The following ILRUN variants were observed in gnomAD, a reference collection of about 807,000 sequenced individuals.
ILRUN encodes inflammation and lipid regulator with UBA-like and NBR1-like domains, also known as protein ILRUN.
In ILRUN, 3 loss-of-function variants were observed where a neutral mutation model predicts 33.8. The observed-to-expected ratio is 0.09, with a 90% confidence interval of 0.04 to 0.23. ILRUN has a LOEUF of 0.23. ILRUN is among the 10% of genes least tolerant of loss of function. ILRUN has a pLI of 1.00. For missense variants in ILRUN, 210 were observed against 375.1 expected, an observed-to-expected ratio of 0.56 and a Z score of 3.64; for synonymous variants, 124 against 138.9, an observed-to-expected ratio of 0.89 and a Z score of 0.75.
At chr6:34,593,251 A>C (rs890575261) in intron 4 of ILRUN, among the ~76,000 whole-genome samples, 1 of 152,174 alleles carries the variant, frequency 6.6e-6, no homozygotes, top group Non-Finnish European at 1.5e-5. Context: ...GAAAACTCAA[A>C]AAACAAACAG....
At chr6:34,611,471 T>TA (rs1761752310) in intron 3 of ILRUN, among the ~76,000 whole-genome samples, 1 of 152,222 alleles carries the variant, frequency 6.6e-6, no homozygotes, top group Admixed American at 6.5e-5. Flanking sequence ...ATACAACTTC[T>TA]ACGTGGTACA....
At chr6:34,693,241 A>G (rs1362812526) in intron 1 of ILRUN, among the ~76,000 whole-genome samples, 1 of 152,206 alleles carries the variant, frequency 6.6e-6, no homozygotes, top group African/African-American at 2.4e-5. Flanking sequence ...AAAATAAAGA[A>G]CATGCCTTAT....
chr6:34,671,992 T>TC (rs1763125972), intron 1 of ILRUN: 1 of 152,224 alleles, frequency 6.6e-6, no homozygotes, highest in African/African-American at 2.4e-5. Flanking sequence ...TCATATCCCC[T>TC]AATGTAGTCA....
chr6:34,678,949 A>G (rs897723622), intron 1 of ILRUN, among the ~76,000 whole-genome samples: 5 of 152,048 alleles, frequency 3.3e-5, no homozygotes, highest in African/African-American at 4.8e-5. Context: ...TAAGATAAAT[A>G]CAACAGACCT....
At chr6:34,648,726 T>C (rs1762604999) in intron 2 of ILRUN, among the ~76,000 whole-genome samples, 1 of 152,180 alleles carries the variant, frequency 6.6e-6, no homozygotes, top group Admixed American at 6.5e-5. Flanking sequence ...AGAAAAATTA[T>C]ACTACTATCA....
At chr6:34,661,330 A>G (rs1315502408) in intron 1 of ILRUN, among the ~76,000 whole-genome samples, 2 of 152,246 alleles carry the variant, frequency 1.3e-5, no homozygotes, top group Non-Finnish European at 2.9e-5. Context: ...AAAATCTTAC[A>G]TAAAGAAAGC....
At chr6:34,603,103 C>T (rs1761548780) in intron 4 of ILRUN, among the ~76,000 whole-genome samples, 1 of 152,198 alleles carries the variant, frequency 6.6e-6, no homozygotes, top group Admixed American at 6.5e-5. Context: ...CAGAGCATCA[C>T]GTTCTTTCCC....
intron 3 of ILRUN, among the ~76,000 whole-genome samples, chr6:34,640,548 A>G (rs939607747): frequency 3.3e-5 from 5 of 151,848 alleles, no homozygotes; most frequent in African/African-American, 1.2e-4. Flanking sequence ...TGTCTCTACT[A>G]AAAATACAAA....
intron 4 of ILRUN, chr6:34,595,718 G>A: frequency 1.0e-6 from 1 of 975,454 alleles, no homozygotes; most frequent in Non-Finnish European, 1.2e-6. Context: ...TCACATACCT[G>A]TCTTTATTTT....
chr6:34,609,585 C>T (rs1401164242), intron 3 of ILRUN, among the ~76,000 whole-genome samples: 1 of 151,878 alleles, frequency 6.6e-6, no homozygotes, highest in African/African-American at 2.4e-5. Context: ...ATCCAAACAG[C>T]CAGCCTGGAT....
rs181248963 is a variant in ILRUN at position 34,668,113 on chromosome 6, T to C, written c.159-13334A>G. Among the ~76,000 whole-genome samples the C allele has an allele frequency of 1.5e-3, 225 of 152,164 alleles. 2 individuals are homozygous for C. Among genetic ancestry groups the C allele is most frequent in the African/African-American group, 5.1e-3 (210 of 41,520 alleles). ...CACAATCCTTGCAAGTTATCTCAAA[T>C]GGTTCAGGAAAAAAAAAGTATAAAA... On this transcript the variant is annotated intron_variant, in intron 1 of 4. Transcript: ENST00000374023.
intron 1 of ILRUN, among the ~76,000 whole-genome samples, chr6:34,659,179 G>C (rs1762838839): frequency 6.6e-6 from 1 of 152,180 alleles, no homozygotes; most frequent in Admixed American, 6.5e-5. Flanking sequence ...AGAGGCTATG[G>C]GCCCAAAGCA....
chr6:34,605,293 C>T (rs1252170976), intron 4 of ILRUN, among the ~76,000 whole-genome samples: 6 of 102,310 alleles, frequency 5.9e-5, no homozygotes, highest in Admixed American at 5.3e-4. Flanking sequence ...GCAAGAAGAG[C>T]GAAACTCCGT....
intron 1 of ILRUN, among the ~76,000 whole-genome samples, chr6:34,678,782 G>A (rs1354548326): frequency 1.4e-5 from 2 of 145,156 alleles, no homozygotes; most frequent in Non-Finnish European, 3.0e-5. Context: ...GAGAACCCGG[G>A]AGGCAGAGCT....
chr6:34,689,656 G>A (rs188046442), intron 1 of ILRUN, among the ~76,000 whole-genome samples: 264 of 152,058 alleles, frequency 1.7e-3, no homozygotes, highest in African/African-American at 6.2e-3. Flanking sequence ...TAGCACGGGT[G>A]ACTGAGAAAT....
chr6:34,594,625 C>T (rs766614131), intron 4 of ILRUN, among the ~76,000 whole-genome samples: 7 of 152,170 alleles, frequency 4.6e-5, no homozygotes, highest in Non-Finnish European at 8.8e-5. Flanking sequence ...TTTCACTGAC[C>T]AGCTATCATA....
chr6:34,635,709 G>T (rs1219576411), intron 3 of ILRUN, among the ~76,000 whole-genome samples: 3 of 150,880 alleles, frequency 2.0e-5, no homozygotes, highest in Non-Finnish European at 4.4e-5. Flanking sequence ...CTGCCTCCTG[G>T]CCTCCTGGGT....
In ILRUN at chr6:34,677,881, C is replaced by T. The variant is rs541238369; in HGVS notation, c.158+18565G>A. On this transcript the variant is annotated intron_variant, in intron 1 of 4. Coordinates refer to ENST00000374023, the MANE Select transcript of ILRUN (RefSeq NM_024294.4). ...AAAGGATCAGTTAAGCCCAGGAGGT[C>T]GAGGCTGCAGTGAGCTGTGATCACA... 1.1e-4 allele frequency among the ~76,000 whole-genome samples: 15 copies of T among 140,324 alleles called. No homozygotes were observed. The South Asian group carries it at 1.5e-3, about 14-fold the overall frequency. 92.1% of individuals were successfully genotyped at this position (140,324 alleles called of 152,430 possible). A position where few individuals can be genotyped will look rare whatever the true frequency, so the allele number is the denominator to read the frequency against.
At chr6:34,614,443 A>AAAAAATAT (rs71000073) in intron 3 of ILRUN, among the ~76,000 whole-genome samples, 1,956 of 133,494 alleles carry the variant, frequency 0.015, 71 homozygotes, top group African/African-American at 0.056. Context: ...AAAAAAAAAA[A>AAAAAATAT]ATATATATAT....
Sources: gnomAD v4.1 joint callset for allele counts (sites outside exome capture counted in the v4.1 genomes callset) on GRCh38, gnomAD v4.1.1 for gene constraint, MANE v1.5 for transcripts, NCBI Gene and HGNC (gene_info 2026-07-23, HGNC 2026-07-21) for gene names.